CUX1: variants seen among roughly 807,000 people sequenced by gnomAD.
CUX1 encodes the protein cut like homeobox 1.
Under a neutral mutation model 158.8 loss-of-function variants are expected in CUX1, and 31 were observed. The observed-to-expected ratio is 0.20, with a 90% confidence interval of 0.15 to 0.26. The LOEUF is 0.26. CUX1 is among the 10% of genes least tolerant of loss of function. CUX1 has a pLI of 1.00. For missense variants in CUX1, 1,589 were observed against 2,014.6 expected (o/e 0.79, Z 4.04); for synonymous variants, 879 against 862.1 (o/e 1.02, Z -0.34).
chr7:102,067,033 CT>C (rs947007689), intron 3 of CUX1, among the ~76,000 whole-genome samples: 21 of 152,224 alleles, frequency 1.4e-4, no homozygotes, highest in Admixed American at 6.5e-4. Flanking sequence ...AGTTCATTGA[CT>C]TTTAGGATAT....
At chr7:102,229,280 T>C (rs1294702481) in intron 21 of CUX1, among the ~76,000 whole-genome samples, 1 of 149,750 alleles carries the variant, frequency 6.7e-6, no homozygotes, top group African/African-American at 2.5e-5. Flanking sequence ...GCTGTGGCTG[T>C]AAGAATGTTA....
At chr7:102,213,936 C>G (rs10269119) in intron 20 of CUX1, among the ~76,000 whole-genome samples, 2 of 152,058 alleles carry the variant, frequency 1.3e-5, no homozygotes, top group African/African-American at 4.8e-5. Context: ...AGTTCAAGAC[C>G]GGCCTGGCCA....
intron 5 of CUX1, among the ~76,000 whole-genome samples, chr7:102,099,331 C>T (rs1233654799): frequency 6.6e-6 from 1 of 152,054 alleles, no homozygotes; most frequent in Non-Finnish European, 1.5e-5. Flanking sequence ...CTTACTAGGG[C>T]TGGAACTGCT....
At chr7:102,007,510 C>T (rs975834005) in intron 2 of CUX1, among the ~76,000 whole-genome samples, 11 of 151,776 alleles carry the variant, frequency 7.2e-5, no homozygotes, top group East Asian at 5.9e-4. Context: ...GTATTTCCCA[C>T]GTGGATTTCT....
intron 8 of CUX1, among the ~76,000 whole-genome samples, chr7:102,124,876 G>T (rs1383731160): frequency 6.6e-6 from 1 of 151,840 alleles, no homozygotes; most frequent in Non-Finnish European, 1.5e-5. Flanking sequence ...CCGCCTCCTG[G>T]GTTCAAGCAA....
At chr7:101,881,953 G>A (rs1042222826) in intron 1 of CUX1, among the ~76,000 whole-genome samples, 2 of 151,930 alleles carry the variant, frequency 1.3e-5, no homozygotes, top group East Asian at 3.9e-4. Context: ...TGAGGCAGGA[G>A]GATCGCTTGA....
intron 22 of CUX1, among the ~76,000 whole-genome samples, chr7:102,237,918 C>A (rs987538660): frequency 1.3e-5 from 2 of 152,184 alleles, no homozygotes; most frequent in Non-Finnish European, 1.5e-5. Context: ...GGGGCCCTTC[C>A]CTGCCTGGCA....
chr7:102,205,624 G>A (rs1364180592), intron 20 of CUX1, among the ~76,000 whole-genome samples: 1 of 152,172 alleles, frequency 6.6e-6, no homozygotes, highest in East Asian at 1.9e-4. Context: ...GAAAGGTAGG[G>A]TAGCAGAAAG....
chr7:102,163,635 G>T (rs1554507830), intron 9 of CUX1, among the ~76,000 whole-genome samples: 1 of 152,220 alleles, frequency 6.6e-6, no homozygotes, highest in Non-Finnish European at 1.5e-5. Flanking sequence ...GAAGCCAGGA[G>T]AGCTGTGGGA....
intron 10 of CUX1, among the ~76,000 whole-genome samples, chr7:102,172,903 A>C (rs1307523104): frequency 3.3e-5 from 5 of 152,178 alleles, no homozygotes; most frequent in African/African-American, 1.2e-4. Context: ...CTCTACAAAA[A>C]TTTTAAAATT....
At chr7:102,094,793 AGGCTGTGAACG>A (rs782351321) in intron 4 of CUX1, among the ~76,000 whole-genome samples, 1 of 152,170 alleles carries the variant, frequency 6.6e-6, no homozygotes, top group African/African-American at 2.4e-5. Flanking sequence ...TGTACAAAGG[AGGCTGTGAACG>A]GGCTGTTCAC....
chr7:101,996,378 G>A (rs1815893794), intron 2 of CUX1, among the ~76,000 whole-genome samples: 2 of 151,898 alleles, frequency 1.3e-5, no homozygotes, highest in Admixed American at 1.3e-4. Flanking sequence ...CCCCCAACCC[G>A]CTGACCTTTG....
intron 8 of CUX1, among the ~76,000 whole-genome samples, chr7:102,147,282 C>G (rs1327654691): frequency 1.3e-5 from 2 of 152,136 alleles, no homozygotes; most frequent in Non-Finnish European, 2.9e-5. Context: ...CAGATGAGGG[C>G]TGCCAAGAAA....
chr7:102,110,180 A>G (rs970574506), intron 6 of CUX1, among the ~76,000 whole-genome samples: 1 of 152,198 alleles, frequency 6.6e-6, no homozygotes, highest in Admixed American at 6.5e-5. Context: ...ACACTATAGT[A>G]TATTACATTA....
intron 2 of CUX1, among the ~76,000 whole-genome samples, chr7:102,027,246 G>A (rs1411408204): frequency 6.6e-6 from 1 of 152,072 alleles, no homozygotes; most frequent in Non-Finnish European, 1.5e-5. Flanking sequence ...TTAGCCGGGC[G>A]CCTGTAGTCC....
chr7:101,886,545 G>A (rs971671966), intron 1 of CUX1, among the ~76,000 whole-genome samples: 2 of 152,126 alleles, frequency 1.3e-5, no homozygotes, highest in African/African-American at 2.4e-5. Context: ...CTTGGCATTC[G>A]GCAAGGTGTA....
intron 8 of CUX1, among the ~76,000 whole-genome samples, chr7:102,158,346 C>T (rs146252876): frequency 1.3e-4 from 20 of 152,236 alleles, no homozygotes; most frequent in African/African-American, 4.8e-4. Context: ...GGCAGGCACC[C>T]CATACGCACC....
intron 2 of CUX1, among the ~76,000 whole-genome samples, chr7:101,989,116 C>T (rs1433281649): frequency 6.6e-6 from 1 of 152,118 alleles, no homozygotes; most frequent in Non-Finnish European, 1.5e-5. Flanking sequence ...GGCTCAGGGG[C>T]CTGCCCCTCC....
intron 1 of CUX1, among the ~76,000 whole-genome samples, chr7:101,821,040 T>G (rs919331396): frequency 1.3e-5 from 2 of 151,972 alleles, no homozygotes; most frequent in African/African-American, 4.8e-5. Flanking sequence ...CCGAGAGAAG[T>G]GTGTGTGTGT....
Sources: gnomAD v4.1 joint callset for allele counts (sites outside exome capture counted in the v4.1 genomes callset) on GRCh38, gnomAD v4.1.1 for gene constraint, MANE v1.5 for transcripts, NCBI Gene and HGNC (gene_info 2026-07-23, HGNC 2026-07-21) for gene names.